Variants in ADAMTSL4 observed in about 807,000 individuals in gnomAD.
ADAMTSL4 encodes the protein ADAMTS like 4.
A neutral mutation model predicts 122.8 loss-of-function variants in ADAMTSL4; 97 were observed. The ratio of observed to expected loss-of-function variants is 0.79; its 90% CI spans 0.67 to 0.93. The LOEUF is 0.93. Among genes scored for constraint, ADAMTSL4 ranks in the 40% least tolerant of loss-of-function variants. The pLI is 0.00. For synonymous variants in ADAMTSL4, 592 were observed against 568.0 expected (o/e 1.04, Z -0.60); for missense variants, 1,408 against 1,453.5 (o/e 0.97, Z 0.51).
At position 150,556,674 on chromosome 1, in the gene ADAMTSL4, C is replaced by T; in HGVS notation, c.1630C>T (p.Pro544Ser). The change falls in exon 10 of 19, where the codon CCC becomes TCC. Residue 544 changes from proline to serine, a missense_variant. Transcript: ENST00000271643. This position sits in a 1 kb window ranked among gnomAD's most constrained non-coding sequence, Gnocchi z 4.1. The part of the protein sequence containing the change: ...SIINGNWAVD[P>S]PGSYRAGGTV... ...CATCAATGGGAACTGGGCTGTGGAT[C>T]CCCCTGGGTCCTACAGGGCCGGCGG... The T allele has an allele frequency of 1.9e-6, 3 of 1,614,038 alleles. No homozygotes were observed. Among genetic ancestry groups the T allele is most frequent in the Non-Finnish European group, 2.5e-6 (3 of 1,180,012 alleles).
At position 150,557,524 on chromosome 1, in the gene ADAMTSL4, C is replaced by A. The variant is rs1204500103; in HGVS notation, c.2078C>A (p.Ser693Tyr). 6.2e-7 allele frequency: 1 copy of A among 1,612,718 alleles called. No homozygotes were observed. ...TGGCGCCCCATTTTCCTCTGCATCT[C>A]CCGTGAGTCGGGAGAGGAACTGGAT... ...GVWRPIFLCI[S>Y]RESGEELDER... Residue 693 changes from serine to tyrosine, a missense_variant, in exon 13 of 19, where the codon TCC (serine) becomes TAC (tyrosine). Ser to Tyr is a moderately radical substitution (Grantham distance 144). Transcript: ENST00000271643.
Position 150,557,035 on chromosome 1 carries a change from C to A in ADAMTSL4, c.1846C>A (p.Pro616Thr), listed in dbSNP as rs200684248. Residue 616 changes from proline (P) to threonine (T), a missense_variant, in exon 11 of 19, where the codon CCC (proline) becomes ACC (threonine). Coordinates refer to ENST00000271643, the MANE Select transcript of ADAMTSL4 (RefSeq NM_019032.6). ...GAACCCCACCCCAGAGCCCCCTGTC[C>A]CCCAGCTTCAGCCGGGTAAGACTCT... is the stretch of plus-strand genomic sequence containing the variant. Reference protein sequence around the residue: ...LENPTPEPPVPQLQPEILRVE... With the variant: ...LENPTPEPPVTQLQPEILRVE... 1 of 1,613,890 alleles carries A rather than the reference C, an allele frequency of 6.2e-7. No individual in the cohort carries two copies. The highest frequency in any genetic ancestry group is 8.5e-7 in the Non-Finnish European group (1 of 1,179,854).
At position 150,559,199 on chromosome 1, in the gene ADAMTSL4, G is replaced by A. The variant is rs1672539545; in HGVS notation, c.2763+34G>A. ...AGCGCCTGCTGAGAGCAGGAAGGGGGTGCCAGTCCCAGTGGGATTCCTTGT... is the reference window on the plus strand; with the variant it reads ...AGCGCCTGCTGAGAGCAGGAAGGGGATGCCAGTCCCAGTGGGATTCCTTGT... On this transcript the variant is annotated intron_variant, in intron 16 of 18. Transcript: ENST00000271643. This position sits in a 1 kb window ranked among gnomAD's most constrained non-coding sequence, Gnocchi z 4.1. The A allele has an allele frequency of 2.5e-6, 4 of 1,611,950 alleles. No individual in the cohort carries two copies. The highest frequency in any genetic ancestry group is 1.7e-5 in the Admixed American group (1 of 59,806).
At position 150,557,604 on chromosome 1, in the gene ADAMTSL4, G is replaced by A. The variant is rs760505783; in HGVS notation, c.2158G>A (p.Gly720Ser). The change falls in exon 13 of 19, where the codon GGC (glycine) becomes AGC (serine). Residue 720 changes from glycine (G) to serine (S), a missense_variant. Gly to Ser is a moderately conservative substitution (Grantham distance 56). Coordinates refer to ENST00000271643, the MANE Select transcript of ADAMTSL4 (RefSeq NM_019032.6). ...CCCAGCCTCCCCTGAACCCTGCCACGGCACCCCATGCCCCCCATAGTGAGT... is the reference window on the plus strand; with the variant it reads ...CCCAGCCTCCCCTGAACCCTGCCACAGCACCCCATGCCCCCCATAGTGAGT... Reference protein sequence around the residue: ...RPPASPEPCHGTPCPPYWEAG... With the variant: ...RPPASPEPCHSTPCPPYWEAG... 32 of 1,600,764 alleles carry A rather than the reference G, an allele frequency of 2.0e-5. No individual in the cohort carries two copies. The highest frequency in any genetic ancestry group is 2.6e-5 in the Non-Finnish European group (30 of 1,174,154).
chr1:150,550,843 TCAGGGAGGG>T, intron 2 of ADAMTSL4: 1 of 456,564 alleles, frequency 2.2e-6, no homozygotes, highest in Non-Finnish European at 4.4e-6. Flanking sequence ...ACCCTAGGTC[TCAGGGAGGG>T]CAGTGGGGCT....
chr1:150,552,519 C>G lies in ADAMTSL4; in HGVS notation c.21-24C>G, dbSNP rs750599147. 1.2e-6 allele frequency: 2 copies of G among 1,614,002 alleles called. No individual in the cohort carries two copies. Among genetic ancestry groups the G allele is most frequent in the Non-Finnish European group, 1.7e-6 (2 of 1,179,926 alleles). ...CCCCCTCTGGCTCCAGTCTGACGTC[C>G]CTCCCCTGGCCTTTGGTTTGCAGGC... On this transcript the variant is annotated intron_variant, in intron 3 of 18. Transcript: ENST00000271643. This position sits in a 1 kb window ranked among gnomAD's most constrained non-coding sequence, Gnocchi z 4.0.
In ADAMTSL4 at chr1:150,556,440, C is replaced by G. The variant is rs927000092; in HGVS notation, c.1576+74C>G. The G allele has an allele frequency of 1.3e-6, 2 of 1,592,772 alleles. No homozygotes were observed. Among genetic ancestry groups the G allele is most frequent in the Non-Finnish European group, 1.7e-6 (2 of 1,165,752 alleles). On this transcript the variant is annotated intron_variant, in intron 9 of 18. Coordinates refer to ENST00000271643, the MANE Select transcript of ADAMTSL4 (RefSeq NM_019032.6). This position sits in a 1 kb window ranked among gnomAD's most constrained non-coding sequence, Gnocchi z 4.1. ...CCATACCCCTACTCAGAGCAGTGAG[C>G]AAGCCAAACAGGGGGAAGTCCAGGG...
Position 150,558,012 on chromosome 1 carries a change from C to T in ADAMTSL4, c.2245C>T (p.Gln749Ter). 6.2e-7 allele frequency: 1 copy of T among 1,612,562 alleles called. No individual in the cohort carries two copies. Among genetic ancestry groups the T allele is most frequent in the Non-Finnish European group, 8.5e-7 (1 of 1,179,822 alleles). The change falls in exon 14 of 19, where the codon CAG (glutamine) becomes TAG (stop). Residue 749 changes from glutamine (Q) to a stop codon, truncating the protein, a stop_gained. Coordinates refer to ENST00000271643, the MANE Select transcript of ADAMTSL4 (RefSeq NM_019032.6). LOFTEE classifies it high-confidence loss of function. ...CCCCGGCACCCAGCACCGCCAGCTG[C>T]AGTGCCGGCAGGAATTTGGGGGGGG... ...CGPGTQHRQL[Q>*]CRQEFGGGGS... is the part of the protein sequence containing the mutation.
In ADAMTSL4 at chr1:150,554,400, G is replaced by A; in HGVS notation, c.1167G>A (p.Leu389=). The change falls in exon 7 of 19, where the codon CTG becomes CTA. Residue 389 remains leucine, a synonymous_variant. Transcript: ENST00000271643. The surrounding 1 kb of genome is among the most constrained non-coding windows in gnomAD (Gnocchi z 4.0). ...CPPEQPDPRA[L]QCAAFNSQEF... ...CTGAGCAGCCAGACCCCCGGGCCCT[G>A]CAGTGCGCAGCCTTTAACTCCCAGG... is the stretch of plus-strand genomic sequence containing the variant. 2 of 1,613,942 alleles carry A rather than the reference G, an allele frequency of 1.2e-6. No homozygotes were observed. Among genetic ancestry groups the A allele is most frequent in the Non-Finnish European group, 1.7e-6 (2 of 1,180,020 alleles).
chr1:150,551,924 G>T, intron 2 of ADAMTSL4: 3 of 290,128 alleles, frequency 1.0e-5, no homozygotes, highest in Admixed American at 4.9e-5. Flanking sequence ...GTGTGTGCCT[G>T]AGCCGGCTTA....
In ADAMTSL4 at chr1:150,559,984, A is replaced by T. The variant is rs1384488858; in HGVS notation, c.3089-76A>T. On this transcript the variant is annotated intron_variant, in intron 18 of 18. Transcript: ENST00000271643. This position sits in a 1 kb window ranked among gnomAD's most constrained non-coding sequence, Gnocchi z 4.1. The stretch of plus-strand genomic sequence containing the variant: ...GAGGAGATGAGAAAGGACCAGTGGG[A>T]ATGGGCAGCACACCCATTCCCAGAC... The T allele has an allele frequency of 6.2e-7, 1 of 1,613,778 alleles. No individual in the cohort carries two copies. Among genetic ancestry groups the T allele is most frequent in the Non-Finnish European group, 8.5e-7 (1 of 1,179,990 alleles).
intron 2 of ADAMTSL4, chr1:150,550,693 G>T (rs773325041): frequency 2.2e-6 from 1 of 454,340 alleles, no homozygotes; most frequent in Non-Finnish European, 4.4e-6. Flanking sequence ...GGCCTCCCCC[G>T]TTCAGTCAGG....
At position 150,560,630 on chromosome 1, in the gene ADAMTSL4, C is replaced by T. The variant is rs1672664705; in HGVS notation, c.*434C>T. On this transcript the variant is annotated 3_prime_UTR_variant, in exon 19 of 19. Transcript: ENST00000271643. Reference sequence around the variant, plus strand: ...CTAAGCCTCATTTCTCATGTTCAGACCTCACATCTTCTAAGCCGCCCTGTG... The same window carrying T: ...CTAAGCCTCATTTCTCATGTTCAGATCTCACATCTTCTAAGCCGCCCTGTG... The T allele has an allele frequency of 4.5e-6, 1 of 223,856 alleles. No individual in the cohort carries two copies. Among genetic ancestry groups the T allele is most frequent in the African/African-American group, 2.3e-5 (1 of 44,394 alleles). 13.9% of individuals were successfully genotyped at this position (223,856 alleles called of 1,614,324 possible).
chr1:150,557,236 C>T lies in ADAMTSL4; in HGVS notation c.1948C>T (p.Gln650Ter). ...GTLQRQVRIPQMPAPPHPRTP... is the reference protein window; with the variant it reads ...GTLQRQVRIP ...CCTCCAGCGTCAGGTGCGGATCCCC[C>T]AGATGCCCGCCCCGCCCCATCCCAG... Residue 650 changes from glutamine (Q) to a stop codon, truncating the protein, a stop_gained, in exon 12 of 19, where the codon CAG becomes TAG. Coordinates refer to ENST00000271643, the MANE Select transcript of ADAMTSL4 (RefSeq NM_019032.6). LOFTEE classifies it high-confidence loss of function. 1.2e-6 allele frequency: 2 copies of T among 1,611,400 alleles called. No homozygotes were observed. Among genetic ancestry groups the T allele is most frequent in the East Asian group, 2.2e-5 (1 of 44,796 alleles).
chr1:150,552,375 A>C lies in ADAMTSL4; in HGVS notation c.20+67A>C. The C allele has an allele frequency of 6.5e-7, 1 of 1,538,960 alleles. No individual in the cohort carries two copies. Among genetic ancestry groups the C allele is most frequent in the Non-Finnish European group, 8.8e-7 (1 of 1,132,994 alleles). On this transcript the variant is annotated intron_variant, in intron 3 of 18. Transcript: ENST00000271643. The surrounding 1 kb of genome is among the most constrained non-coding windows in gnomAD (Gnocchi z 4.0). ...GGTGCTGGGATGGCTCTGTGTCTGGAAGTGAGGGAAAGGGGACCACTGGGA... is the reference window on the plus strand; with the variant it reads ...GGTGCTGGGATGGCTCTGTGTCTGGCAGTGAGGGAAAGGGGACCACTGGGA...
In ADAMTSL4 at chr1:150,552,070, C is replaced by T. The variant is rs1671464190; in HGVS notation, c.-84-135C>T. ...CTCTACAGATGGACAAGGCAGTGAT[C>T]CTCCCTGCTCCCACCCTGAGGATCC... On this transcript the variant is annotated intron_variant, in intron 2 of 18. Transcript: ENST00000271643. The surrounding 1 kb of genome is among the most constrained non-coding windows in gnomAD (Gnocchi z 4.0). The T allele has an allele frequency of 1.7e-6, 1 of 597,524 alleles. No homozygotes were observed. Among genetic ancestry groups the T allele is most frequent in the Admixed American group, 3.0e-5 (1 of 33,248 alleles). 37.0% of individuals were successfully genotyped at this position (597,524 alleles called of 1,614,324 possible).
At position 150,553,596 on chromosome 1, in the gene ADAMTSL4, A is replaced by C; in HGVS notation, c.605A>C (p.Glu202Ala). The C allele has an allele frequency of 1.2e-6, 2 of 1,613,782 alleles. No homozygotes were observed. The highest frequency in any genetic ancestry group is 1.7e-6 in the Non-Finnish European group (2 of 1,179,928). The change falls in exon 6 of 19, where the codon GAG becomes GCG. Residue 202 changes from glutamate to alanine, a missense_variant. Coordinates refer to ENST00000271643, the MANE Select transcript of ADAMTSL4 (RefSeq NM_019032.6). ...EAIPSPTPRA[E>A]PFSANGSPQT... ...ATTCCGTCCCCTACTCCAAGAGCAG[A>C]GCCATTCTCCGCAAACGGCAGCCCC... is the stretch of plus-strand genomic sequence containing the variant.
chr1:150,555,993 G>C, intron 8 of ADAMTSL4, 169 bp from the exon 9 acceptor site: 1 of 698,520 alleles, frequency 1.4e-6, no homozygotes, highest in Admixed American at 2.1e-5. Flanking sequence ...GGATCTGATC[G>C]GGCACCTGTC....
At position 150,552,303 on chromosome 1, in the gene ADAMTSL4, T is replaced by C. The variant is rs1482717283; in HGVS notation, c.15T>C (p.Thr5=). The C allele has an allele frequency of 1.3e-6, 2 of 1,555,320 alleles. 1 individual carries two copies. The highest frequency in any genetic ancestry group is 2.4e-5 in the South Asian group (2 of 84,336). The part of the protein sequence containing the change: MENW[T]GRPWLYLLLL... ...GAGGGGGAGCGATGGAGAACTGGAC[T>C]GGCAGGTGAGAGAAGGGGCCACGGG... Residue 5 remains threonine (T), a synonymous_variant, in exon 3 of 19, where the codon ACT becomes ACC. Coordinates refer to ENST00000271643, the MANE Select transcript of ADAMTSL4 (RefSeq NM_019032.6). The surrounding 1 kb of genome is among the most constrained non-coding windows in gnomAD (Gnocchi z 4.0).
Sources: allele counts gnomAD v4.1 joint callset, GRCh38; gene constraint gnomAD v4.1.1; non-coding constraint Gnocchi (gnomAD v3.1); transcripts MANE v1.5; gene names NCBI Gene and HGNC (gene_info 2026-07-23, HGNC 2026-07-21).